Variants in CANT1 observed in about 807,000 individuals in gnomAD.
CANT1 encodes soluble calcium-activated nucleotidase 1.
A neutral mutation model predicts 30.0 loss-of-function variants in CANT1; 26 were observed. The observed-to-expected ratio is 0.87, with a 90% CI of 0.64 to 1.20. The LOEUF (loss-of-function observed/expected upper bound fraction) is 1.20. Ranked by LOEUF, CANT1 falls within the 50% of genes most tolerant of loss-of-function variation. CANT1 has a pLI of 0.00. For missense variants in CANT1, 518 were observed against 563.0 expected (o/e 0.92, Z 0.81); for synonymous variants, 246 against 251.8 (o/e 0.98, Z 0.22).
chr17:78,998,804 C>T lies in CANT1; in HGVS notation c.-146-841G>A, dbSNP rs1016673669. 1.3e-5 allele frequency among the ~76,000 whole-genome samples: 2 copies of T among 152,220 alleles called. No homozygotes were observed. The highest frequency in any genetic ancestry group is 2.9e-5 in the Non-Finnish European group (2 of 68,030). On this transcript the variant is annotated intron_variant, in intron 1 of 4. Transcript: ENST00000392446. The surrounding 1 kb of genome is among the most constrained non-coding windows in gnomAD (Gnocchi z 4.5). ...CCTGGGCAGAGGTTCCATATCTCTG[C>T]CCTCCAACTATAGCTCAGTGAATCC...
chr17:78,993,750 C>G lies in CANT1; in HGVS notation c.1006G>C (p.Gly336Arg). The change falls in exon 5 of 5, where the codon GGG (glycine) becomes CGG (arginine). Residue 336 changes from glycine to arginine, a missense_variant. By Grantham distance (125) the Gly-to-Arg change is moderately radical (BLOSUM62 -2). This residue lies in a region of CANT1 where 221 missense variants were observed against 211.8 expected (regional missense o/e 1.04). Transcript: ENST00000392446. The surrounding 1 kb of genome is among the most constrained non-coding windows in gnomAD (Gnocchi z 4.5). ...AAGCCGTGAGTGGGGACCACCGCCC[C>G]GACGTGGCTCACAGCGATGTCGCCG... ...DFGDIAVSHV[G>R]AVVPTHGFSS... 6.2e-7 allele frequency: 1 copy of G among 1,613,714 alleles called. No homozygotes were observed. Among genetic ancestry groups the G allele is most frequent in the Non-Finnish European group, 8.5e-7 (1 of 1,180,048 alleles).
rs2071062153 is a variant in CANT1, at chr17:78,997,104, G to A, written c.519C>T (p.Phe173=). ...CATCCACGGAGTAGAGTTTCCCATT[G>A]AAAACAATCAGGTCGGATAGCTCCA... ...RGMELSDLIV[F]NGKLYSVDDR... is the part of the protein sequence containing the mutation. The change falls in exon 3 of 5, where the codon TTC becomes TTT. Residue 173 remains phenylalanine (F), a synonymous_variant. Transcript: ENST00000392446. The surrounding 1 kb of genome is among the most constrained non-coding windows in gnomAD (Gnocchi z 7.5). 6.2e-7 allele frequency: 1 copy of A among 1,614,200 alleles called. No homozygotes were observed. The highest frequency in any genetic ancestry group is 8.5e-7 in the Non-Finnish European group (1 of 1,180,036).
rs2070887311 is a variant in CANT1, at chr17:78,992,902, T to C, written c.*648A>G. ...GTACTGCACAGCCACAGAATTTTCT[T>C]GAAGGGAGAAAGCGGTCACTGGCCA... On this transcript the variant is annotated 3_prime_UTR_variant, in exon 5 of 5. Transcript: ENST00000392446. The C allele has an allele frequency of 5.4e-6, 2 of 369,064 alleles. No individual in the cohort carries two copies. 22.9% of individuals were successfully genotyped at this position (369,064 alleles called of 1,614,324 possible). A position where few individuals can be genotyped will look rare whatever the true frequency, so the allele number is the denominator to read the frequency against.
chr17:78,994,476 A>G (rs2070956976), intron 4 of CANT1, among the ~76,000 whole-genome samples: 1 of 152,208 alleles, frequency 6.6e-6, no homozygotes, highest in African/African-American at 2.4e-5. Context: ...AGTGCAGACA[A>G]CCGGGCCACA....
At position 78,995,336 on chromosome 17, in the gene CANT1, TC is replaced by T; in HGVS notation, c.632-116del. ...ACCCCGCACCTGACTCCCGCCCGGC[TC>T]CACACCTGCCTCCCCTCCGGCCCGC... On this transcript the variant is annotated intron_variant, in intron 3 of 4. Coordinates refer to ENST00000392446, the MANE Select transcript of CANT1 (RefSeq NM_001159773.2). The surrounding 1 kb of genome is among the most constrained non-coding windows in gnomAD (Gnocchi z 5.7). 1 of 1,132,082 alleles carries T rather than the reference TC, an allele frequency of 8.8e-7. No individual in the cohort carries two copies. Among genetic ancestry groups the T allele is most frequent in the Non-Finnish European group, 1.3e-6 (1 of 783,452 alleles). 70.1% of individuals were successfully genotyped at this position (1,132,082 alleles called of 1,614,324 possible). A position where few individuals can be genotyped will look rare whatever the true frequency, so the allele number is the denominator to read the frequency against.
At position 79,008,434 on chromosome 17, in the gene CANT1, A is replaced by G. The variant is rs1173483074; in HGVS notation, c.-147+1230T>C. On this transcript the variant is annotated intron_variant, in intron 1 of 4. Coordinates refer to ENST00000392446, the MANE Select transcript of CANT1 (RefSeq NM_001159773.2). The surrounding 1 kb of genome is among the most constrained non-coding windows in gnomAD (Gnocchi z 4.4). Reference sequence around the variant, plus strand: ...CTTCTACGACCTGACACTTGTTTCAAGTTTGGGCCCTTACACTGGAGAGCT... The same window carrying G: ...CTTCTACGACCTGACACTTGTTTCAGGTTTGGGCCCTTACACTGGAGAGCT... 6.6e-6 allele frequency among the ~76,000 whole-genome samples: 1 copy of G among 152,216 alleles called. No individual in the cohort carries two copies. Among genetic ancestry groups the G allele is most frequent in the Non-Finnish European group, 1.5e-5 (1 of 68,036 alleles).
intron 1 of CANT1, among the ~76,000 whole-genome samples, chr17:79,003,268 C>T (rs2071331352): frequency 6.6e-6 from 1 of 151,470 alleles, no homozygotes; most frequent in South Asian, 2.1e-4. Context: ...TTCCCTTGGG[C>T]TTCATCTCTC....
In CANT1 at chr17:78,995,085, G is replaced by A. The variant is rs777545339; in HGVS notation, c.768C>T (p.Ser256=). 72 of 1,610,366 alleles carry A rather than the reference G, an allele frequency of 4.5e-5. No homozygotes were observed. The highest frequency in any genetic ancestry group is 1.7e-4 in the Middle Eastern group (1 of 6,052). ...EWVKVVGYKG[S]VDHENWVSNY... is the part of the protein sequence containing the mutation. Reference sequence around the variant, plus strand: ...TGGACACCCAGTTCTCGTGGTCCACGCTGCCCTTGTAGCCCACCACCTTCA... The same window carrying A: ...TGGACACCCAGTTCTCGTGGTCCACACTGCCCTTGTAGCCCACCACCTTCA... Residue 256 remains serine, a synonymous_variant, in exon 4 of 5, where the codon AGC becomes AGT. Coordinates refer to ENST00000392446, the MANE Select transcript of CANT1 (RefSeq NM_001159773.2). The surrounding 1 kb of genome is among the most constrained non-coding windows in gnomAD (Gnocchi z 5.7).
rs1599221987 is a variant in CANT1, at chr17:78,995,374, G to A, written c.632-153C>T. The A allele has an allele frequency of 1.0e-5, 8 of 786,568 alleles. No individual in the cohort carries two copies. Among genetic ancestry groups the A allele is most frequent in the Admixed American group, 2.2e-5 (1 of 45,850 alleles). The allele number at this position is 786,568 out of a possible 1,614,324, so 48.7% of individuals were successfully genotyped here. On this transcript the variant is annotated intron_variant, in intron 3 of 4. Coordinates refer to ENST00000392446, the MANE Select transcript of CANT1 (RefSeq NM_001159773.2). This position sits in a 1 kb window ranked among gnomAD's most constrained non-coding sequence, Gnocchi z 5.7. ...CCCCTCCGGCCCGCACCTGGCTCCCGCCCAGGGCCGGCCGGCTGCCCTCCC... is the reference window on the plus strand; with the variant it reads ...CCCCTCCGGCCCGCACCTGGCTCCCACCCAGGGCCGGCCGGCTGCCCTCCC...
intron 1 of CANT1, among the ~76,000 whole-genome samples, chr17:79,003,689 G>A (rs2071346608): frequency 6.6e-6 from 1 of 152,062 alleles, no homozygotes; most frequent in Non-Finnish European, 1.5e-5. Context: ...GAGGACTCAG[G>A]GACTACAGCA....
chr17:78,997,695 C>A lies in CANT1; in HGVS notation c.-22-51G>T. On this transcript the variant is annotated intron_variant, in intron 2 of 4. Coordinates refer to ENST00000392446, the MANE Select transcript of CANT1 (RefSeq NM_001159773.2). This position sits in a 1 kb window ranked among gnomAD's most constrained non-coding sequence, Gnocchi z 7.5. Reference sequence around the variant, plus strand: ...GAGTCAGCGCCTCCGCAAGCCCAGTCACATCTTAGTTCCGGAAGCTGCAGG... The same window carrying A: ...GAGTCAGCGCCTCCGCAAGCCCAGTAACATCTTAGTTCCGGAAGCTGCAGG... 1 of 1,457,380 alleles carries A rather than the reference C, an allele frequency of 6.9e-7. No individual in the cohort carries two copies. The highest frequency in any genetic ancestry group is 1.5e-5 in the South Asian group (1 of 68,022). 90.3% of individuals were successfully genotyped at this position (1,457,380 alleles called of 1,614,324 possible). A position where few individuals can be genotyped will look rare whatever the true frequency, so the allele number is the denominator to read the frequency against.
chr17:78,995,438 C>T lies in CANT1; in HGVS notation c.632-217G>A, dbSNP rs2071005332. 6.6e-6 allele frequency among the ~76,000 whole-genome samples: 1 copy of T among 152,220 alleles called. No homozygotes were observed. Among genetic ancestry groups the T allele is most frequent in the South Asian group, 2.1e-4 (1 of 4,834 alleles). Reference sequence around the variant, plus strand: ...GGTTCAGTGACCACTCTCAAGTCTCCTCTGATCCCCAACTCCCCGCTCCTC... The same window carrying T: ...GGTTCAGTGACCACTCTCAAGTCTCTTCTGATCCCCAACTCCCCGCTCCTC... On this transcript the variant is annotated intron_variant, in intron 3 of 4. Coordinates refer to ENST00000392446, the MANE Select transcript of CANT1 (RefSeq NM_001159773.2). The surrounding 1 kb of genome is among the most constrained non-coding windows in gnomAD (Gnocchi z 5.7).
In CANT1 at chr17:79,008,836, T is replaced by A. The variant is rs1456283381; in HGVS notation, c.-147+828A>T. ...AGACAGGTATGGTGGGGAGGGCGAATCATTTGCATGCAGGAAGATGAGAGT... is the reference window on the plus strand; with the variant it reads ...AGACAGGTATGGTGGGGAGGGCGAAACATTTGCATGCAGGAAGATGAGAGT... On this transcript the variant is annotated intron_variant, in intron 1 of 4. Coordinates refer to ENST00000392446, the MANE Select transcript of CANT1 (RefSeq NM_001159773.2). The surrounding 1 kb of genome is among the most constrained non-coding windows in gnomAD (Gnocchi z 4.4). Among the ~76,000 whole-genome samples, 2 of 151,952 alleles carry A rather than the reference T, an allele frequency of 1.3e-5. No homozygotes were observed. Among genetic ancestry groups the A allele is most frequent in the African/African-American group, 4.8e-5 (2 of 41,336 alleles).
rs748663276 is a variant in CANT1, at chr17:78,995,266, G to A, written c.632-45C>T. On this transcript the variant is annotated intron_variant, in intron 3 of 4. Transcript: ENST00000392446. The surrounding 1 kb of genome is among the most constrained non-coding windows in gnomAD (Gnocchi z 5.7). Reference sequence around the variant, plus strand: ...TTAGGCCCCGCACCCAGCTCCCGCCGCACCCCTGCACCTGGCTCCCACCCG... The same window carrying A: ...TTAGGCCCCGCACCCAGCTCCCGCCACACCCCTGCACCTGGCTCCCACCCG... The A allele has an allele frequency of 2.9e-5, 45 of 1,578,406 alleles. No individual in the cohort carries two copies. The highest frequency in any genetic ancestry group is 5.4e-5 in the African/African-American group (4 of 74,164).
At chr17:79,001,936 C>G (rs1311615393) in intron 1 of CANT1, among the ~76,000 whole-genome samples, 1 of 152,082 alleles carries the variant, frequency 6.6e-6, no homozygotes, top group Non-Finnish European at 1.5e-5. Context: ...CAGGAGCCAT[C>G]CCAGGAAGCA....
At position 78,997,287 on chromosome 17, in the gene CANT1, G is replaced by A; in HGVS notation, c.336C>T (p.Asp112=). 1.2e-6 allele frequency: 2 copies of A among 1,614,148 alleles called. No homozygotes were observed. The highest frequency in any genetic ancestry group is 8.5e-7 in the Non-Finnish European group (1 of 1,180,034). The change falls in exon 3 of 5, where the codon GAC becomes GAT. Residue 112 remains aspartate (D), a synonymous_variant. Transcript: ENST00000392446. The surrounding 1 kb of genome is among the most constrained non-coding windows in gnomAD (Gnocchi z 7.5). Reference sequence around the variant, plus strand: ...CTTGGGCCCTTGACTCTGTGTCCAGGTCTGCGATAACTGCGATTCGATACC... The same window carrying A: ...CTTGGGCCCTTGACTCTGTGTCCAGATCTGCGATAACTGCGATTCGATACC... ...GIRYRIAVIA[D]LDTESRAQEE...
rs2071634211 is a variant in CANT1 at position 79,008,634 on chromosome 17, G to A, written c.-147+1030C>T. 4.6e-5 allele frequency among the ~76,000 whole-genome samples: 7 copies of A among 152,344 alleles called. No individual in the cohort carries two copies. In the South Asian group the frequency reaches 1.4e-3, roughly 32 times the overall value. On this transcript the variant is annotated intron_variant, in intron 1 of 4. Transcript: ENST00000392446. The surrounding 1 kb of genome is among the most constrained non-coding windows in gnomAD (Gnocchi z 4.4). ...AAGGGGGAAAGGTGTTTGGGAGAGA[G>A]ATGTGTCTGCTGATGGAAGAGTGGT...
chr17:78,996,835 A>AG lies in CANT1; in HGVS notation c.631+156dup. On this transcript the variant is annotated intron_variant, in intron 3 of 4. Transcript: ENST00000392446. This position sits in a 1 kb window ranked among gnomAD's most constrained non-coding sequence, Gnocchi z 5.1. ...TAGGCTATGCTCCTGGCTAAGGGTA[A>AG]GGGGGCCGCAGGTCAGAGCAAGAGG... 1 of 1,001,582 alleles carries AG rather than the reference A, an allele frequency of 1.0e-6. No individual in the cohort carries two copies. Among genetic ancestry groups the AG allele is most frequent in the Non-Finnish European group, 1.6e-6 (1 of 636,890 alleles). 62.0% of individuals were successfully genotyped at this position (1,001,582 alleles called of 1,614,324 possible).
chr17:78,997,196 C>T lies in CANT1; in HGVS notation c.427G>A (p.Val143Met), dbSNP rs776925548. 2 of 1,614,214 alleles carry T rather than the reference C, an allele frequency of 1.2e-6. No individual in the cohort carries two copies. Among genetic ancestry groups the T allele is most frequent in the Admixed American group, 3.3e-5 (2 of 60,038 alleles). The change falls in exon 3 of 5, where the codon GTG becomes ATG. Residue 143 changes from valine (V) to methionine (M), a missense_variant. By Grantham distance (21) the Val-to-Met change is conservative. Coordinates refer to ENST00000392446, the MANE Select transcript of CANT1 (RefSeq NM_001159773.2). The surrounding 1 kb of genome is among the most constrained non-coding windows in gnomAD (Gnocchi z 7.5). ...TGGTCTTTGTCCCATTCCACGGCCA[C>T]CTTGTCCCCACTGTCTGACAGGGTC... ...YLTLSDSGDK[V>M]AVEWDKDHGV...
Sources: gnomAD v4.1 joint callset for allele counts (sites outside exome capture counted in the v4.1 genomes callset) on GRCh38, gnomAD v4.1.1 for gene constraint, gnomAD v4.1.1 regional missense constraint, Gnocchi (gnomAD v3.1) non-coding constraint, MANE v1.5 for transcripts, NCBI Gene and HGNC (gene_info 2026-07-23, HGNC 2026-07-21) for gene names.